Variants in CELF5 observed in about 807,000 individuals in gnomAD.
CELF5 encodes CUGBP Elav-like family member 5, also known as CUG-BP and ETR-3 like factor 5.
In CELF5, 6 loss-of-function variants were observed where a neutral mutation model predicts 54.9. The observed-to-expected ratio is 0.11, with a 90% CI of 0.06 to 0.22. The LOEUF is 0.22. Among genes scored for constraint, CELF5 ranks in the 10% least tolerant of loss-of-function variants. CELF5 has a pLI of 1.00. For missense variants in CELF5, 401 were observed against 678.6 expected, an observed-to-expected ratio of 0.59 and a Z score of 4.54; for synonymous variants, 271 against 290.9, an observed-to-expected ratio of 0.93 and a Z score of 0.70.
At chr19:3,226,430 A>G (rs1037223779) in intron 1 of CELF5, among the ~76,000 whole-genome samples, 5 of 143,718 alleles carry the variant, frequency 3.5e-5, no homozygotes, top group African/African-American at 1.1e-4. Context: ...TCTCTTTTCA[A>G]AACCAACCAT....
At chr19:3,293,254 C>G in intron 11 of CELF5, 65 bp from the exon 12 acceptor site, 2 of 1,594,734 alleles carry the variant, frequency 1.3e-6, no homozygotes, top group Non-Finnish European at 1.7e-6. Flanking sequence ...GCCAGGGCCA[C>G]AGCATAGGAA....
chr19:3,235,154 C>T (rs1917473937), intron 1 of CELF5, among the ~76,000 whole-genome samples: 1 of 152,208 alleles, frequency 6.6e-6, no homozygotes, highest in Non-Finnish European at 1.5e-5. Flanking sequence ...AGGACCTTTG[C>T]ATGGGCTGTG....
rs542585095 is a variant in CELF5, at chr19:3,249,681, C to A, written c.260-1304C>A. 2.0e-3 allele frequency among the ~76,000 whole-genome samples: 302 copies of A among 152,328 alleles called. 1 individual carries two copies. The highest frequency in any genetic ancestry group is 4.4e-3 in the South Asian group (21 of 4,826). ...ATTGGTCCTGATTTCTGCCACCATG[C>A]CACACCCTCTCAAGCTCCACCCCCA... On this transcript the variant is annotated intron_variant, in intron 1 of 12. Coordinates refer to ENST00000292672, the MANE Select transcript of CELF5 (RefSeq NM_021938.4).
At chr19:3,255,275 C>T (rs529303646) in intron 2 of CELF5, among the ~76,000 whole-genome samples, 2 of 152,138 alleles carry the variant, frequency 1.3e-5, no homozygotes, top group Non-Finnish European at 2.9e-5. Flanking sequence ...ACTTCTGCCT[C>T]GCGGGTTCAA....
intron 4 of CELF5, among the ~76,000 whole-genome samples, chr19:3,276,355 G>T (rs1407867604): frequency 6.6e-6 from 1 of 151,440 alleles, no homozygotes; most frequent in East Asian, 2.0e-4. Flanking sequence ...ATGTAGCCCT[G>T]GAGAGGCCCG....
intron 2 of CELF5, among the ~76,000 whole-genome samples, chr19:3,265,485 G>A (rs1183467916): frequency 6.6e-6 from 1 of 152,196 alleles, no homozygotes. Context: ...AGTTCTGCAG[G>A]TATATTTGTA....
Position 3,290,434 on chromosome 19 carries a change from G to A in CELF5, c.1330+60G>A, listed in dbSNP as rs1018848037. The A allele has an allele frequency of 5.0e-6, 8 of 1,593,244 alleles. No homozygotes were observed. In the African/African-American group the frequency reaches 1.1e-4, roughly 21 times the overall value. ...CCTCCCTCGCCTGCCCCCTGACAGG[G>A]AATGGGAGGGTTTTGGTCGGCCTCG... On this transcript the variant is annotated intron_variant, in intron 11 of 12. Transcript: ENST00000292672.
intron 1 of CELF5, among the ~76,000 whole-genome samples, chr19:3,230,375 T>C (rs771427062): frequency 1.8e-4 from 28 of 152,186 alleles, no homozygotes; most frequent in Non-Finnish European, 1.9e-4. Flanking sequence ...ACACTTACTG[T>C]GTTCCAGGCC....
rs1456164588 is a variant in CELF5 at position 3,236,943 on chromosome 19, C to T, written c.259+11945C>T. Among the ~76,000 whole-genome samples, 7 of 149,244 alleles carry T rather than the reference C, an allele frequency of 4.7e-5. No individual in the cohort carries two copies. In the South Asian group the frequency reaches 1.1e-3, roughly 23 times the overall value. On this transcript the variant is annotated intron_variant, in intron 1 of 12. Transcript: ENST00000292672. The stretch of plus-strand genomic sequence containing the variant: ...GGCGGAGATTGCAGTGAGCTGAGAT[C>T]GCGCCACTGCACTCCAGCCTGGACG...
rs1185090031 is a variant in CELF5 at position 3,268,048 on chromosome 19, G to C, written c.343-5824G>C. Among the ~76,000 whole-genome samples, 1 of 152,118 alleles carries C rather than the reference G, an allele frequency of 6.6e-6. No individual in the cohort carries two copies. The highest frequency in any genetic ancestry group is 2.4e-5 in the African/African-American group (1 of 41,408). Reference sequence around the variant, plus strand: ...GAGTCTCGCTCTGTCGCCCAGGCTGGAGTGCAGTGATTTGATCTCAGCTCA... The same window carrying C: ...GAGTCTCGCTCTGTCGCCCAGGCTGCAGTGCAGTGATTTGATCTCAGCTCA... On this transcript the variant is annotated intron_variant, in intron 2 of 12. Transcript: ENST00000292672. This position sits in a 1 kb window ranked among gnomAD's most constrained non-coding sequence, Gnocchi z 4.4.
intron 1 of CELF5, among the ~76,000 whole-genome samples, chr19:3,231,826 GTGGATGGA>G (rs898776798): frequency 2.6e-4 from 38 of 146,058 alleles, no homozygotes; most frequent in Non-Finnish European, 4.2e-4. Flanking sequence ...GGATAGATGA[GTGGATGGA>G]TGGATGGATG....
intron 1 of CELF5, among the ~76,000 whole-genome samples, chr19:3,234,932 C>T (rs1049314461): frequency 2.0e-5 from 3 of 152,110 alleles, no homozygotes; most frequent in African/African-American, 7.2e-5. Context: ...CACCAGAGAG[C>T]GCCTGTGAGC....
chr19:3,225,467 G>A, intron 1 of CELF5: 1 of 61,896 alleles, frequency 1.6e-5, no homozygotes, highest in Non-Finnish European at 2.7e-5. Flanking sequence ...ACCCCTCCCT[G>A]CCCCCCCACC....
chr19:3,251,124 G>C, intron 2 of CELF5, 57 bp downstream of exon 2: 7 of 1,315,624 alleles, frequency 5.3e-6, no homozygotes, highest in Non-Finnish European at 7.7e-6. Context: ...TCAGCCTGGG[G>C]TGGGAGCCAA....
rs375019491 is a variant in CELF5 at position 3,236,006 on chromosome 19, G to A, written c.259+11008G>A. ...GCCTGGGCGAGAGATCTGGGGTCTA[G>A]AATGAGCCTCAAGGAACCCCCATAT... On this transcript the variant is annotated intron_variant, in intron 1 of 12. Transcript: ENST00000292672. Among the ~76,000 whole-genome samples, 86 of 152,286 alleles carry A rather than the reference G, an allele frequency of 5.6e-4. No homozygotes were observed. The South Asian group carries it at 9.9e-3, about 18-fold the overall frequency.
chr19:3,277,927 C>G (rs2080082657), intron 4 of CELF5, 104 bp from the exon 5 acceptor site: 2 of 809,290 alleles, frequency 2.5e-6, no homozygotes, highest in Non-Finnish European at 4.2e-6. Flanking sequence ...CTGCATGTGT[C>G]TGACACTGGC....
intron 2 of CELF5, among the ~76,000 whole-genome samples, chr19:3,270,139 AACCCTG>A (rs1231809045): frequency 6.6e-6 from 1 of 151,354 alleles, no homozygotes; most frequent in Non-Finnish European, 1.5e-5. Context: ...TCCCAGCTCC[AACCCTG>A]ACCCCATGGG....
chr19:3,254,149 A>C (rs1219280941), intron 2 of CELF5, among the ~76,000 whole-genome samples: 1 of 152,086 alleles, frequency 6.6e-6, no homozygotes, highest in Admixed American at 6.5e-5. Context: ...CCACTTTGAG[A>C]TGAAGAGATG....
At chr19:3,238,307 T>A (rs2079445080) in intron 1 of CELF5, among the ~76,000 whole-genome samples, 1 of 151,924 alleles carries the variant, frequency 6.6e-6, no homozygotes, top group Admixed American at 6.6e-5. Context: ...TTCCCTCTGA[T>A]ATCCCCCAAA....
Sources: gnomAD v4.1 joint callset for allele counts (sites outside exome capture counted in the v4.1 genomes callset) on GRCh38, gnomAD v4.1.1 for gene constraint, Gnocchi (gnomAD v3.1) non-coding constraint, MANE v1.5 for transcripts, NCBI Gene and HGNC (gene_info 2026-07-23, HGNC 2026-07-21) for gene names.